Variants in TENM4 observed in about 807,000 individuals in gnomAD.
TENM4 encodes the protein teneurin transmembrane protein 4.
In TENM4, 82 loss-of-function variants were observed where a neutral mutation model predicts 243.3. The ratio of observed to expected loss-of-function variants is 0.34; its 90% CI spans 0.28 to 0.40. The LOEUF (loss-of-function observed/expected upper bound fraction) is 0.40. TENM4 is among the 10% of genes least tolerant of loss of function. The probability of loss-of-function intolerance (pLI) is 1.00; values close to 1 mark genes in which losing one functional copy is unlikely to be tolerated. For missense variants in TENM4, 3,138 were observed against 3,673.3 expected (o/e 0.85, Z 3.77); for synonymous variants, 1,412 against 1,456.3 (o/e 0.97, Z 0.69).
At chr11:79,430,197 A>G (rs111401371) in intron 1 of TENM4, among the ~76,000 whole-genome samples, 9,617 of 135,326 alleles carry the variant, frequency 0.071, 375 homozygotes, top group Middle Eastern at 0.12. Context: ...CGAAAAAAAA[A>G]AAAAGAAAAA....
chr11:79,047,800 C>CA (rs551785014), intron 6 of TENM4, among the ~76,000 whole-genome samples: 85 of 150,998 alleles, frequency 5.6e-4, no homozygotes, highest in Non-Finnish European at 9.2e-4. Flanking sequence ...TCTGTAGCTG[C>CA]AAAAAAAGAA....
chr11:78,932,172 C>T lies in TENM4; in HGVS notation c.494-28649G>A, dbSNP rs569282653. 3.3e-5 allele frequency among the ~76,000 whole-genome samples: 5 copies of T among 152,336 alleles called. No homozygotes were observed. In the East Asian group the frequency reaches 7.7e-4, roughly 24 times the overall value. The stretch of plus-strand genomic sequence containing the variant: ...TGCTAGAGGACGTTCTCACTGTAGG[C>T]TTCAACTAAACTTCCTGTAGCTGTC... On this transcript the variant is annotated intron_variant, in intron 6 of 33. Coordinates refer to ENST00000278550, the MANE Select transcript of TENM4 (RefSeq NM_001098816.3).
intron 5 of TENM4, among the ~76,000 whole-genome samples, chr11:79,066,350 C>T (rs1860246051): frequency 6.6e-6 from 1 of 152,118 alleles, no homozygotes; most frequent in Admixed American, 6.5e-5. Flanking sequence ...CTGAATAGGA[C>T]AAGCCTGCAA....
intron 1 of TENM4, among the ~76,000 whole-genome samples, chr11:79,355,187 A>G (rs2135483902): frequency 6.6e-6 from 1 of 152,320 alleles, no homozygotes; most frequent in Non-Finnish European, 1.5e-5. Context: ...TGAATCCTTC[A>G]TTTGCATGAA....
intron 6 of TENM4, among the ~76,000 whole-genome samples, chr11:78,913,835 T>G (rs2136360748): frequency 6.6e-6 from 1 of 152,292 alleles, no homozygotes; most frequent in Non-Finnish European, 1.5e-5. Context: ...CTGATCCTTC[T>G]CAAGGTCTCT....
chr11:79,324,744 G>C (rs1856946219), intron 1 of TENM4, among the ~76,000 whole-genome samples: 1 of 152,016 alleles, frequency 6.6e-6, no homozygotes, highest in African/African-American at 2.4e-5. Flanking sequence ...CCCTCTACAG[G>C]GGCTAAGAAC....
chr11:79,143,395 A>G (rs1221150465), intron 4 of TENM4, among the ~76,000 whole-genome samples: 1 of 152,116 alleles, frequency 6.6e-6, no homozygotes, highest in East Asian at 1.9e-4. Flanking sequence ...ATGAAGCTGG[A>G]AACCATCATT....
chr11:79,241,586 C>T (rs377481363), intron 2 of TENM4, among the ~76,000 whole-genome samples: 1 of 152,152 alleles, frequency 6.6e-6, no homozygotes, highest in South Asian at 2.1e-4. Context: ...ATCACAGAGT[C>T]GTCATGGGAA....
intron 12 of TENM4, among the ~76,000 whole-genome samples, chr11:78,837,808 G>T (rs1858151763): frequency 6.6e-6 from 1 of 151,848 alleles, no homozygotes; most frequent in Non-Finnish European, 1.5e-5. Flanking sequence ...AATTTTAATG[G>T]CTATATAATA....
intron 3 of TENM4, among the ~76,000 whole-genome samples, chr11:79,155,219 A>T (rs1356215223): frequency 6.6e-6 from 1 of 152,170 alleles, no homozygotes; most frequent in Non-Finnish European, 1.5e-5. Context: ...GGGCCAATGG[A>T]GGTGGGGCAC....
chr11:78,990,525 T>C (rs1457793466), intron 6 of TENM4, among the ~76,000 whole-genome samples: 1 of 152,134 alleles, frequency 6.6e-6, no homozygotes, highest in Non-Finnish European at 1.5e-5. Context: ...ATGAGGATGA[T>C]CTAAATATAC....
Position 78,743,964 on chromosome 11 carries a change from T to C in TENM4, c.2757-5394A>G, listed in dbSNP as rs556562484. Reference sequence around the variant, plus strand: ...AAGTATTTGCTAGTCTATGCCATTATTGATTATGTAAATCACTCCTTTGCA... The same window carrying C: ...AAGTATTTGCTAGTCTATGCCATTACTGATTATGTAAATCACTCCTTTGCA... On this transcript the variant is annotated intron_variant, in intron 19 of 33. Transcript: ENST00000278550. Among the ~76,000 whole-genome samples, 82 of 152,348 alleles carry C rather than the reference T, an allele frequency of 5.4e-4. 1 individual carries two copies. The South Asian group carries it at 0.016, about 30-fold the overall frequency.
intron 4 of TENM4, among the ~76,000 whole-genome samples, chr11:79,131,808 G>A (rs905451734): frequency 6.6e-6 from 1 of 152,028 alleles, no homozygotes; most frequent in African/African-American, 2.4e-5. Flanking sequence ...CTAGCAGTAA[G>A]GACTCACATA....
At chr11:79,049,163 C>A (rs1310849734) in intron 6 of TENM4, among the ~76,000 whole-genome samples, 2 of 152,170 alleles carry the variant, frequency 1.3e-5, no homozygotes, top group Non-Finnish European at 2.9e-5. Context: ...GAGCAGCACA[C>A]AGACAGTCAC....
chr11:78,688,290 C>CAA, intron 28 of TENM4, 64 bp from the exon 29 acceptor site: 1 of 1,517,824 alleles, frequency 6.6e-7, no homozygotes, highest in Non-Finnish European at 9.0e-7. Flanking sequence ...GAACTTGGTG[C>CAA]ATTCTACCTC....
In TENM4 at chr11:79,225,428, T is replaced by C. The variant is rs375222838; in HGVS notation, c.-264-9519A>G. ...GATGGTATTATGTCCTCCTGCTTTT[T>C]TTTGAGACTGGGTCTCCCATGACTC... On this transcript the variant is annotated intron_variant, in intron 2 of 33. Coordinates refer to ENST00000278550, the MANE Select transcript of TENM4 (RefSeq NM_001098816.3). 9.2e-4 allele frequency among the ~76,000 whole-genome samples: 140 copies of C among 152,304 alleles called. 1 individual carries two copies. The Middle Eastern group carries it at 0.01, about 11-fold the overall frequency.
intron 9 of TENM4, among the ~76,000 whole-genome samples, chr11:78,866,503 T>G (rs1858979839): frequency 7.6e-6 from 1 of 131,886 alleles, no homozygotes. Context: ...GGGGTGGGAA[T>G]AAGCCAGGGA....
At chr11:78,668,122 A>C (rs919407477) in intron 32 of TENM4, among the ~76,000 whole-genome samples, 2 of 152,100 alleles carry the variant, frequency 1.3e-5, no homozygotes, top group Admixed American at 6.5e-5. Flanking sequence ...CATGAAATGT[A>C]TTTCACTTCA....
At chr11:79,338,756 C>T (rs1857193721) in intron 1 of TENM4, among the ~76,000 whole-genome samples, 1 of 152,180 alleles carries the variant, frequency 6.6e-6, no homozygotes, top group Non-Finnish European at 1.5e-5. Flanking sequence ...GCCAAAAGGC[C>T]TGAAGTCTTT....
Sources: gnomAD v4.1 joint callset for allele counts (sites outside exome capture counted in the v4.1 genomes callset) on GRCh38, gnomAD v4.1.1 for gene constraint, MANE v1.5 for transcripts, NCBI Gene and HGNC (gene_info 2026-07-23, HGNC 2026-07-21) for gene names.